Variants in KAZN observed in about 807,000 individuals in gnomAD.
KAZN encodes the protein kazrin, periplakin interacting protein, also known as kazrin.
Under a neutral mutation model 87.4 loss-of-function variants are expected in KAZN, and 40 were observed. That is an observed-to-expected ratio of 0.46 (90% CI 0.36 to 0.60). The LOEUF (loss-of-function observed/expected upper bound fraction) is 0.60, where lower values mean the gene tolerates loss of function less well. KAZN is among the 20% of genes least tolerant of loss of function. The pLI, the probability that KAZN is intolerant of heterozygous loss-of-function variation, is 0.00. For missense variants in KAZN, 898 were observed against 1,073.9 expected (o/e 0.84, Z 2.29); for synonymous variants, 466 against 458.3 (o/e 1.02, Z -0.22).
Position 13,958,387 on chromosome 1 carries a change from G to A in KAZN, c.91+64631G>A, listed in dbSNP as rs570547623. Reference sequence around the variant, plus strand: ...GGATAGAGACCATCCTGGCTAACACGGTGAAACCCCGTCTCTACTAAAAAT... The same window carrying A: ...GGATAGAGACCATCCTGGCTAACACAGTGAAACCCCGTCTCTACTAAAAAT... On this transcript the variant is annotated intron_variant, in intron 1 of 16. Coordinates refer to the KAZN transcript ENST00000636203. Among the ~76,000 whole-genome samples the A allele has an allele frequency of 1.1e-3, 169 of 151,992 alleles. 1 individual carries two copies. The highest frequency in any genetic ancestry group is 2.0e-3 in the Non-Finnish European group (138 of 67,952).
At chr1:14,737,727 C>A (rs1000028915) in intron 1 of KAZN, among the ~76,000 whole-genome samples, 1 of 152,112 alleles carries the variant, frequency 6.6e-6, no homozygotes, top group Non-Finnish European at 1.5e-5. Context: ...TGATGGAAAT[C>A]TGTTCTTTGC....
At chr1:13,998,263 C>T (rs1176004847) in intron 1 of KAZN, among the ~76,000 whole-genome samples, 1 of 151,892 alleles carries the variant, frequency 6.6e-6, no homozygotes, top group East Asian at 1.9e-4. Flanking sequence ...CCAACCACTG[C>T]AAAAACACAC....
chr1:14,277,975 T>C (rs1652517362), intron 2 of KAZN, among the ~76,000 whole-genome samples: 1 of 152,036 alleles, frequency 6.6e-6, no homozygotes, highest in Non-Finnish European at 1.5e-5. Context: ...TCACGTTTAT[T>C]TACATTCTTA....
At chr1:14,188,658 A>G (rs1646362947) in intron 2 of KAZN, among the ~76,000 whole-genome samples, 1 of 152,194 alleles carries the variant, frequency 6.6e-6, no homozygotes, top group Admixed American at 6.5e-5. Flanking sequence ...GAGCAGCCTC[A>G]TAGAATCTAG....
At chr1:14,591,984 A>T (rs1219623996) in intron 2 of KAZN, among the ~76,000 whole-genome samples, 3 of 152,124 alleles carry the variant, frequency 2.0e-5, no homozygotes, top group African/African-American at 7.2e-5. Flanking sequence ...TAGGAGAAGG[A>T]TAGCTGTTGG....
At chr1:14,803,516 A>G (rs1646106573) in intron 1 of KAZN, among the ~76,000 whole-genome samples, 1 of 152,206 alleles carries the variant, frequency 6.6e-6, no homozygotes, top group Non-Finnish European at 1.5e-5. Context: ...AGAGGGCCCC[A>G]TGCCAATGTT....
Position 14,396,595 on chromosome 1 carries a change from C to A in KAZN, c.250-202388C>A, listed in dbSNP as rs200118456. ...CAGATAATTAGCTTGGCTCTGCCAA[C>A]TTGAAATTACTGGGGATGATTTCTG... is the stretch of plus-strand genomic sequence containing the variant. On this transcript the variant is annotated intron_variant, in intron 2 of 16. Coordinates refer to the KAZN transcript ENST00000636203. Among the ~76,000 whole-genome samples, 7 of 152,318 alleles carry A rather than the reference C, an allele frequency of 4.6e-5. No homozygotes were observed. The East Asian group carries it at 1.3e-3, about 29-fold the overall frequency.
At chr1:14,781,844 A>G (rs1645360380) in intron 1 of KAZN, among the ~76,000 whole-genome samples, 2 of 152,212 alleles carry the variant, frequency 1.3e-5, no homozygotes, top group South Asian at 4.1e-4. Flanking sequence ...GTTATTTTTA[A>G]ATTAATGTGA....
chr1:14,801,247 C>T (rs12563293), intron 1 of KAZN, among the ~76,000 whole-genome samples: 39,416 of 151,768 alleles, frequency 0.26, 5,341 homozygotes, highest in East Asian at 0.38. Flanking sequence ...TCCGTCACCG[C>T]TCAGCAAGCT....
intron 1 of KAZN, among the ~76,000 whole-genome samples, chr1:14,090,218 C>G (rs1355923937): frequency 6.6e-6 from 1 of 152,004 alleles, no homozygotes; most frequent in African/African-American, 2.4e-5. Context: ...TCCCTCATCC[C>G]CCTCTGGCTT....
intron 1 of KAZN, among the ~76,000 whole-genome samples, chr1:14,935,966 G>A (rs1660407988): frequency 6.6e-6 from 1 of 152,230 alleles, no homozygotes; most frequent in South Asian, 2.1e-4. Context: ...TAGAAGAGCA[G>A]AGGGCCAGAT....
At chr1:14,558,780 T>G (rs1174990037) in intron 2 of KAZN, among the ~76,000 whole-genome samples, 2 of 152,174 alleles carry the variant, frequency 1.3e-5, no homozygotes, top group Non-Finnish European at 2.9e-5. Context: ...GCCTAGAGTA[T>G]CTAGGTCTAG....
At chr1:14,538,610 C>T (rs1346894581) in intron 2 of KAZN, among the ~76,000 whole-genome samples, 1 of 152,140 alleles carries the variant, frequency 6.6e-6, no homozygotes, top group East Asian at 1.9e-4. Flanking sequence ...GGCCTAACCA[C>T]CTCTTAAAGA....
At chr1:14,364,375 T>C (rs539618756) in intron 2 of KAZN, among the ~76,000 whole-genome samples, 1 of 152,294 alleles carries the variant, frequency 6.6e-6, no homozygotes, top group South Asian at 2.1e-4. Flanking sequence ...CTAGAGCCAC[T>C]ACAACGATCG....
At chr1:14,779,705 G>A (rs909385236) in intron 1 of KAZN, among the ~76,000 whole-genome samples, 10 of 152,098 alleles carry the variant, frequency 6.6e-5, no homozygotes, top group African/African-American at 2.4e-4. Context: ...GAAGGGTTTG[G>A]CTTTGTTATT....
At chr1:14,886,198 G>A (rs1322651834) in intron 1 of KAZN, among the ~76,000 whole-genome samples, 1 of 152,114 alleles carries the variant, frequency 6.6e-6, no homozygotes, top group East Asian at 1.9e-4. Flanking sequence ...GAGGTGGGAA[G>A]ACCACTTGAG....
intron 2 of KAZN, among the ~76,000 whole-genome samples, chr1:14,376,186 T>C (rs1273097187): frequency 1.3e-5 from 2 of 152,180 alleles, no homozygotes; most frequent in Non-Finnish European, 2.9e-5. Flanking sequence ...AAAGTATGCA[T>C]TTAGCCCCCA....
chr1:14,161,303 G>C (rs961136128), intron 1 of KAZN, among the ~76,000 whole-genome samples: 1 of 152,210 alleles, frequency 6.6e-6, no homozygotes, highest in South Asian at 2.1e-4. Flanking sequence ...GGCTTACCTA[G>C]TTGGTTCTGG....
intron 1 of KAZN, among the ~76,000 whole-genome samples, chr1:14,901,282 A>G (rs1219806162): frequency 6.6e-6 from 1 of 152,206 alleles, no homozygotes; most frequent in Non-Finnish European, 1.5e-5. Context: ...ACAAGTCCCC[A>G]AGGTGGGAAG....
Sources: allele counts gnomAD v4.1 joint callset (sites outside exome capture counted in the v4.1 genomes callset), GRCh38; gene constraint gnomAD v4.1.1; transcripts MANE v1.5; gene names NCBI Gene and HGNC (gene_info 2026-07-23, HGNC 2026-07-21).